The following GRIA1 variants were observed in gnomAD, a reference collection of about 807,000 sequenced individuals.
GRIA1 encodes glutamate receptor 1.
Under a neutral mutation model 99.2 loss-of-function variants are expected in GRIA1, and 31 were observed. The observed-to-expected ratio is 0.31, with a 90% CI of 0.23 to 0.42. GRIA1 has a LOEUF of 0.42. Ranked by LOEUF, GRIA1 falls within the 10% of genes least tolerant of loss-of-function variation. The pLI is 1.00. For missense variants in GRIA1, 782 were observed against 1,157.5 expected, an observed-to-expected ratio of 0.68 and a Z score of 4.71; for synonymous variants, 438 against 432.4, an observed-to-expected ratio of 1.01 and a Z score of -0.16.
At chr5:153,681,641 C>G (rs532749553) in intron 7 of GRIA1, among the ~76,000 whole-genome samples, 47 of 152,280 alleles carry the variant, frequency 3.1e-4, no homozygotes, top group African/African-American at 9.4e-4. Context: ...AATTGCTTGC[C>G]TTTTCCAGAT....
chr5:153,741,928 T>TAAGC (rs1491290762), intron 11 of GRIA1, among the ~76,000 whole-genome samples: 1 of 89,220 alleles, frequency 1.1e-5, no homozygotes, highest in African/African-American at 5.2e-5. Flanking sequence ...AAACTAAAGC[T>TAAGC]TTTTTTAAAA....
At chr5:153,705,223 A>T (rs1758804063) in intron 10 of GRIA1, among the ~76,000 whole-genome samples, 1 of 152,184 alleles carries the variant, frequency 6.6e-6, no homozygotes, top group South Asian at 2.1e-4. Context: ...AACCCATTTG[A>T]GTCCTATGTC....
At chr5:153,785,506 C>T (rs2149645550) in intron 13 of GRIA1, among the ~76,000 whole-genome samples, 1 of 152,178 alleles carries the variant, frequency 6.6e-6, no homozygotes, top group Non-Finnish European at 1.5e-5. Context: ...ATTACCGTCT[C>T]TTATTAATAC....
chr5:153,495,937 T>C (rs1176105983), intron 2 of GRIA1, among the ~76,000 whole-genome samples: 2 of 152,254 alleles, frequency 1.3e-5, no homozygotes, highest in African/African-American at 4.8e-5. Flanking sequence ...CTCCATAGCT[T>C]TTGTCATACT....
Position 153,705,779 on chromosome 5 carries a change from T to A in GRIA1, c.1535T>A (p.Leu512Ter). Residue 512 changes from leucine (L) to a stop codon, truncating the protein, a stop_gained, in exon 11 of 16, where the codon TTG becomes TAG. Transcript: ENST00000285900. LOFTEE classifies it high-confidence loss of function. ...GATTTCTCCAAACCATTTATGAGTTTGGGGATCTCCATCATGATTAAAAAA... is the reference window on the plus strand; with the variant it reads ...GATTTCTCCAAACCATTTATGAGTTAGGGGATCTCCATCATGATTAAAAAA... Reference protein sequence around the residue: ...VIDFSKPFMSLGISIMIKKPQ... With the variant: ...VIDFSKPFMS The A allele has an allele frequency of 6.2e-7, 1 of 1,611,244 alleles. No individual in the cohort carries two copies. Among genetic ancestry groups the A allele is most frequent in the Non-Finnish European group, 8.5e-7 (1 of 1,178,900 alleles).
intron 2 of GRIA1, among the ~76,000 whole-genome samples, chr5:153,614,038 G>A (rs375435335): frequency 6.6e-4 from 100 of 152,180 alleles, no homozygotes; most frequent in African/African-American, 2.0e-3. Context: ...TGCTTCTCTC[G>A]CTGCTCGGAC....
intron 11 of GRIA1, among the ~76,000 whole-genome samples, chr5:153,728,122 A>T (rs1444426350): frequency 1.3e-5 from 2 of 151,808 alleles, no homozygotes; most frequent in Non-Finnish European, 2.9e-5. Flanking sequence ...GAGAAAAATA[A>T]GCAATGGGGA....
intron 13 of GRIA1, among the ~76,000 whole-genome samples, chr5:153,794,346 A>C (rs1277664418): frequency 6.6e-6 from 1 of 152,192 alleles, no homozygotes; most frequent in East Asian, 1.9e-4. Context: ...AGCAGACAGG[A>C]GGGGAAAACT....
intron 2 of GRIA1, among the ~76,000 whole-genome samples, chr5:153,579,900 A>AAAC (rs1762901909): frequency 2.0e-5 from 3 of 150,152 alleles, no homozygotes; most frequent in Admixed American, 1.3e-4. Flanking sequence ...AACAAACAAA[A>AAAC]AAAAAAAAAC....
rs762939518 is a variant in GRIA1, at chr5:153,655,847, G to C, written c.674G>C (p.Gly225Ala). Residue 225 changes from glycine to alanine, a missense_variant, in exon 5 of 16, where the codon GGC becomes GCC. Coordinates refer to ENST00000285900, the MANE Select transcript of GRIA1 (RefSeq NM_000827.4). Reference sequence around the variant, plus strand: ...ATAAAGCTAGAGAAGAATGGCATCGGCTACCACTACATTCTTGCAAATCTG... The same window carrying C: ...ATAAAGCTAGAGAAGAATGGCATCGCCTACCACTACATTCTTGCAAATCTG... Reference protein sequence around the residue: ...QIIKLEKNGIGYHYILANLGF... With the variant: ...QIIKLEKNGIAYHYILANLGF... The C allele has an allele frequency of 3.1e-6, 5 of 1,613,298 alleles. No homozygotes were observed. In the South Asian group the frequency reaches 4.4e-5, roughly 14 times the overall value.
chr5:153,659,419 C>T (rs1055791538), intron 5 of GRIA1, among the ~76,000 whole-genome samples: 5 of 152,178 alleles, frequency 3.3e-5, no homozygotes, highest in South Asian at 2.1e-4. Context: ...GGTCCTGGAA[C>T]ACACAAGTGC....
At chr5:153,524,701 C>G (rs766212320) in intron 2 of GRIA1, among the ~76,000 whole-genome samples, 2 of 152,196 alleles carry the variant, frequency 1.3e-5, no homozygotes, top group African/African-American at 4.8e-5. Flanking sequence ...TCTCTAATAA[C>G]ACTTGATTCT....
At chr5:153,730,855 T>G (rs1402227902) in intron 11 of GRIA1, among the ~76,000 whole-genome samples, 1 of 152,120 alleles carries the variant, frequency 6.6e-6, no homozygotes, top group Non-Finnish European at 1.5e-5. Flanking sequence ...TTTTCTCCTC[T>G]TATGTCAGAA....
intron 2 of GRIA1, among the ~76,000 whole-genome samples, chr5:153,588,400 A>G (rs778989897): frequency 3.3e-5 from 5 of 152,190 alleles, no homozygotes; most frequent in Non-Finnish European, 7.4e-5. Flanking sequence ...TTGTTTTTCT[A>G]GTGCCTGCAA....
intron 15 of GRIA1, among the ~76,000 whole-genome samples, chr5:153,809,701 G>A (rs1205668597): frequency 6.6e-6 from 1 of 152,250 alleles, no homozygotes; most frequent in Non-Finnish European, 1.5e-5. Flanking sequence ...TGGGATAGCT[G>A]AGGATTGAGA....
At chr5:153,684,242 T>C (rs17594729) in intron 7 of GRIA1, among the ~76,000 whole-genome samples, 11,901 of 150,064 alleles carry the variant, frequency 0.079, 644 homozygotes, top group South Asian at 0.21. Flanking sequence ...AAGTGTGTCA[T>C]AAACATGAAG....
intron 11 of GRIA1, among the ~76,000 whole-genome samples, chr5:153,749,274 T>C (rs1262640524): frequency 6.6e-6 from 1 of 152,200 alleles, no homozygotes; most frequent in Non-Finnish European, 1.5e-5. Flanking sequence ...AGTCATGAGA[T>C]GGGATTCATT....
chr5:153,529,336 C>G (rs978991607), intron 2 of GRIA1, among the ~76,000 whole-genome samples: 1 of 152,178 alleles, frequency 6.6e-6, no homozygotes, highest in Non-Finnish European at 1.5e-5. Flanking sequence ...GGACCTCAGA[C>G]TCCTGGGTTC....
chr5:153,569,406 CA>C (rs781660062), intron 2 of GRIA1, among the ~76,000 whole-genome samples: 2 of 152,202 alleles, frequency 1.3e-5, no homozygotes, highest in Non-Finnish European at 2.9e-5. Context: ...TCCAGAATTT[CA>C]GGCCAAATAA....
Sources: gnomAD v4.1 joint callset for allele counts (sites outside exome capture counted in the v4.1 genomes callset) on GRCh38, gnomAD v4.1.1 for gene constraint, MANE v1.5 for transcripts, NCBI Gene and HGNC (gene_info 2026-07-23, HGNC 2026-07-21) for gene names.